NOX4: variants seen among roughly 807,000 people sequenced by gnomAD.
NOX4 encodes kidney oxidase-1.
Under a neutral mutation model 87.6 loss-of-function variants are expected in NOX4, and 69 were observed. That is an observed-to-expected ratio of 0.79 (90% CI 0.65 to 0.96). The LOEUF (loss-of-function observed/expected upper bound fraction) is 0.96, where lower values mean the gene tolerates loss of function less well. NOX4 is among the 40% of genes least tolerant of loss of function. NOX4 has a pLI of 0.00. For synonymous variants in NOX4, 275 were observed against 238.2 expected (o/e 1.15, Z -1.42); for missense variants, 680 against 681.5 (o/e 1.00, Z 0.02).
At chr11:89,527,735 T>G in the NOX4 span, among the ~76,000 whole-genome samples, 1 of 152,108 alleles carries the variant, frequency 6.6e-6, no homozygotes, top group Non-Finnish European at 1.5e-5. Flanking sequence ...AGAGGATGTA[T>G]GGAAGTGCCT....
At chr11:89,531,922 A>C in the NOX4 span, among the ~76,000 whole-genome samples, 1 of 152,220 alleles carries the variant, frequency 6.6e-6, no homozygotes, top group Non-Finnish European at 1.5e-5. Context: ...GGTACAGCTC[A>C]GGCCATTGCT....
At chr11:89,410,859 G>T (rs1050621751) in intron 8 of NOX4, among the ~76,000 whole-genome samples, 6 of 152,178 alleles carry the variant, frequency 3.9e-5, no homozygotes, top group African/African-American at 1.4e-4. Flanking sequence ...AGTGATGTGG[G>T]TGGCACACGC....
chr11:89,568,796 A>G, the NOX4 span, among the ~76,000 whole-genome samples: 1 of 152,250 alleles, frequency 6.6e-6, no homozygotes, highest in African/African-American at 2.4e-5. Context: ...CCAAAGCAGC[A>G]TGGTACAAGT....
chr11:89,393,859 C>A (rs574243208), intron 11 of NOX4, among the ~76,000 whole-genome samples: 1 of 152,152 alleles, frequency 6.6e-6, no homozygotes, highest in Non-Finnish European at 1.5e-5. Context: ...AAATCCTTGC[C>A]CTTTGTCTGA....
At chr11:89,342,658 G>A (rs773460334) in intron 13 of NOX4, among the ~76,000 whole-genome samples, 1 of 152,098 alleles carries the variant, frequency 6.6e-6, no homozygotes, top group South Asian at 2.1e-4. Context: ...AAAATAGCAG[G>A]AGTAAGGAAA....
chr11:89,491,271 T>C lies in NOX4; in HGVS notation c.-25A>G. 6.2e-7 allele frequency: 1 copy of C among 1,608,932 alleles called. No individual in the cohort carries two copies. Among genetic ancestry groups the C allele is most frequent in the Non-Finnish European group, 8.5e-7 (1 of 1,177,766 alleles). On this transcript the variant is annotated 5_prime_UTR_variant, in exon 1 of 18. Transcript: ENST00000263317. ...TGCCGCCGGCCCCGCCGCGCTGCGC[T>C]CTGTGCCCGCCGGACCGAGAAGGAG...
chr11:89,491,727 T>TACAC (rs66820323), upstream of NOX4, among the ~76,000 whole-genome samples: 3,246 of 140,716 alleles, frequency 0.023, 73 homozygotes, highest in African/African-American at 0.065. Context: ...CGCCCCCTTG[T>TACAC]ACACACACAC....
At chr11:89,488,786 T>C in intron 2 of NOX4, 2 of 477,756 alleles carry the variant, frequency 4.2e-6, no homozygotes, top group Non-Finnish European at 7.3e-6. Context: ...GTCCTATTCA[T>C]TAAGTTACAC....
chr11:89,513,448 A>C, the NOX4 span, among the ~76,000 whole-genome samples: 59 of 152,194 alleles, frequency 3.9e-4, no homozygotes, highest in Non-Finnish European at 8.1e-4. Flanking sequence ...GCAATGAAAA[A>C]ATCTCTAGCT....
At chr11:89,566,290 C>A in the NOX4 span, among the ~76,000 whole-genome samples, 2,407 of 152,094 alleles carry the variant, frequency 0.016, 57 homozygotes, top group African/African-American at 0.054. Context: ...TGCTCCCCGC[C>A]CTTTGCCTCC....
chr11:89,557,732 A>G, the NOX4 span, among the ~76,000 whole-genome samples: 2 of 152,156 alleles, frequency 1.3e-5, no homozygotes, highest in East Asian at 1.9e-4. Context: ...GATACCTCAT[A>G]AAACAAAATA....
Position 89,477,415 on chromosome 11 carries a change from T to A in NOX4, c.153+13043A>T, listed in dbSNP as rs560568484. Among the ~76,000 whole-genome samples the A allele has an allele frequency of 1.6e-3, 247 of 152,220 alleles. 2 individuals are homozygous for A. The highest frequency in any genetic ancestry group is 5.9e-3 in the African/African-American group (244 of 41,530). On this transcript the variant is annotated intron_variant, in intron 2 of 17. Coordinates refer to ENST00000263317, the MANE Select transcript of NOX4 (RefSeq NM_016931.5). ...AATGGGGAGCCGCCGTAAATACAGA[T>A]GAAGTTTTGCTTGCCTGCCAGCTGC...
rs188321480 is a variant in NOX4, at chr11:89,451,190, G to A, written c.264+595C>T. On this transcript the variant is annotated intron_variant, in intron 3 of 17. Coordinates refer to ENST00000263317, the MANE Select transcript of NOX4 (RefSeq NM_016931.5). Reference sequence around the variant, plus strand: ...TAACAAGCCTGCATGTTGTGCACATGTACCCTAGAACTTAAAGTATAATAA... The same window carrying A: ...TAACAAGCCTGCATGTTGTGCACATATACCCTAGAACTTAAAGTATAATAA... Among the ~76,000 whole-genome samples the A allele has an allele frequency of 2.0e-3, 308 of 152,054 alleles. 1 individual carries two copies. The highest frequency in any genetic ancestry group is 2.6e-3 in the Non-Finnish European group (179 of 67,990).
intron 11 of NOX4, among the ~76,000 whole-genome samples, chr11:89,395,464 T>A (rs1311232373): frequency 7.9e-5 from 12 of 152,220 alleles, no homozygotes; most frequent in Non-Finnish European, 7.3e-5. Context: ...GCCTGTTCAC[T>A]CTGATGGTAG....
intron 17 of NOX4, among the ~76,000 whole-genome samples, chr11:89,327,367 A>G (rs767287256): frequency 2.1e-4 from 32 of 152,220 alleles, no homozygotes; most frequent in Non-Finnish European, 4.0e-4. Context: ...GGAAAGAAAA[A>G]AGATATTACC....
intron 4 of NOX4, among the ~76,000 whole-genome samples, chr11:89,446,438 T>C (rs905406230): frequency 1.3e-5 from 2 of 152,070 alleles, no homozygotes; most frequent in East Asian, 3.9e-4. Flanking sequence ...CTTTATTCAT[T>C]ATTGTCGAAA....
At chr11:89,436,623 T>A (rs1424868990) in intron 6 of NOX4, among the ~76,000 whole-genome samples, 1 of 152,140 alleles carries the variant, frequency 6.6e-6, no homozygotes, top group Admixed American at 6.6e-5. Flanking sequence ...ACCTGAGAGA[T>A]TGTTTTCATC....
chr11:89,541,039 C>A, the NOX4 span, among the ~76,000 whole-genome samples: 8 of 151,974 alleles, frequency 5.3e-5, no homozygotes, highest in Non-Finnish European at 8.8e-5. Flanking sequence ...GTTGTTTACT[C>A]CATCTTTACC....
chr11:89,358,386 C>CAAAAAAAAAAAAAAAAAAAAACA, intron 12 of NOX4, among the ~76,000 whole-genome samples: 1 of 78,190 alleles, frequency 1.3e-5, no homozygotes, highest in Non-Finnish European at 2.6e-5. Context: ...AACTTAATCT[C>CAAAAAAAAAAAAAAAAAAAAACA]AAAAAAAAAA....
Sources: allele counts gnomAD v4.1 joint callset (sites outside exome capture counted in the v4.1 genomes callset), GRCh38; gene constraint gnomAD v4.1.1; transcripts MANE v1.5; gene names NCBI Gene and HGNC (gene_info 2026-07-23, HGNC 2026-07-21).